The following FRAS1 variants were observed in gnomAD, a reference collection of about 807,000 sequenced individuals.
The protein encoded by FRAS1 is Fraser extracellular matrix complex subunit 1, also known as extracellular matrix organizing protein FRAS1.
FRAS1 carries 290 observed loss-of-function variants against 435.2 expected under a neutral mutation model. That is an observed-to-expected ratio of 0.67 (90% confidence interval 0.61 to 0.73). The LOEUF is 0.73. FRAS1 is among the 30% of genes least tolerant of loss of function. The pLI, the probability that FRAS1 is intolerant of heterozygous loss-of-function variation, is 0.00. For synonymous variants in FRAS1, 1,800 were observed against 1,851.0 expected (o/e 0.97, Z 0.71); for missense variants, 4,860 against 5,001.5 (o/e 0.97, Z 0.85).
At position 78,446,895 on chromosome 4, in the gene FRAS1, G is replaced by A; in HGVS notation, c.6010+15G>A. On this transcript the variant is annotated intron_variant, in intron 43 of 73. Transcript: ENST00000512123. ...GCCTGACCACGGTAGGGCACGAACTGCTATGAAAAGCTTCTTAATTGAGAT... is the reference window on the plus strand; with the variant it reads ...GCCTGACCACGGTAGGGCACGAACTACTATGAAAAGCTTCTTAATTGAGAT... 6.3e-7 allele frequency: 1 copy of A among 1,591,390 alleles called. No homozygotes were observed.
At chr4:78,073,979 T>C (rs1740494170) in intron 2 of FRAS1, among the ~76,000 whole-genome samples, 2 of 152,184 alleles carry the variant, frequency 1.3e-5, no homozygotes, top group Non-Finnish European at 2.9e-5. Flanking sequence ...TCCCAGAGTT[T>C]ATAAGCTAAA....
At chr4:78,116,814 C>T (rs982938258) in intron 2 of FRAS1, among the ~76,000 whole-genome samples, 2 of 152,112 alleles carry the variant, frequency 1.3e-5, no homozygotes, top group Admixed American at 6.5e-5. Context: ...TTAATTGGAG[C>T]ACTTAGCCCA....
At chr4:78,118,519 T>G (rs2867006) in intron 2 of FRAS1, among the ~76,000 whole-genome samples, 33,008 of 152,116 alleles carry the variant, frequency 0.22, 3,947 homozygotes, top group Admixed American at 0.29. Flanking sequence ...TTGGCAATGG[T>G]GGGCACCCCT....
At chr4:78,112,069 C>A (rs1304242988) in intron 2 of FRAS1, among the ~76,000 whole-genome samples, 1 of 152,106 alleles carries the variant, frequency 6.6e-6, no homozygotes, top group African/African-American at 2.4e-5. Flanking sequence ...TTGATAATCT[C>A]CTTCACCTTA....
chr4:78,085,673 A>G (rs1416867067), intron 2 of FRAS1, among the ~76,000 whole-genome samples: 3 of 152,178 alleles, frequency 2.0e-5, no homozygotes, highest in African/African-American at 7.2e-5. Context: ...GTTAAGAGAC[A>G]AAGAAGGCCA....
chr4:78,200,818 G>A (rs1723015552), intron 2 of FRAS1, among the ~76,000 whole-genome samples: 1 of 145,798 alleles, frequency 6.9e-6, no homozygotes, highest in African/African-American at 2.7e-5. Context: ...AGATGCCTCT[G>A]CTTATGGAGA....
At chr4:78,096,781 C>T (rs1741833394) in intron 2 of FRAS1, among the ~76,000 whole-genome samples, 1 of 152,224 alleles carries the variant, frequency 6.6e-6, no homozygotes, top group Non-Finnish European at 1.5e-5. Flanking sequence ...ACTTTTTCCT[C>T]CTAGGCCTCT....
chr4:78,407,324 A>T (rs932406865), intron 30 of FRAS1, among the ~76,000 whole-genome samples: 1 of 152,224 alleles, frequency 6.6e-6, no homozygotes, highest in African/African-American at 2.4e-5. Context: ...AAATGAATCC[A>T]TTCAATGCCC....
At chr4:78,531,776 C>G (rs1024459837) in intron 70 of FRAS1, among the ~76,000 whole-genome samples, 1 of 152,126 alleles carries the variant, frequency 6.6e-6, no homozygotes, top group Admixed American at 6.5e-5. Flanking sequence ...CCCCATATGG[C>G]CCACAAAGTT....
At chr4:78,093,254 G>A (rs562653657) in intron 2 of FRAS1, among the ~76,000 whole-genome samples, 3 of 152,326 alleles carry the variant, frequency 2.0e-5, no homozygotes, top group African/African-American at 4.8e-5. Flanking sequence ...AACACTGCAA[G>A]TACCAGCTTA....
intron 6 of FRAS1, among the ~76,000 whole-genome samples, chr4:78,261,124 T>C (rs1726079045): frequency 6.6e-6 from 1 of 152,096 alleles, no homozygotes; most frequent in African/African-American, 2.4e-5. Flanking sequence ...GGCGAGATTT[T>C]CTTAAGTTTA....
At chr4:78,095,875 C>T (rs4543141) in intron 2 of FRAS1, among the ~76,000 whole-genome samples, 69,545 of 152,030 alleles carry the variant, frequency 0.46, 19,414 homozygotes, top group Non-Finnish European at 0.61. Flanking sequence ...CATTCCACCC[C>T]GGCCCCTCCC....
At chr4:78,411,682 T>C (rs1008471332) in intron 31 of FRAS1, among the ~76,000 whole-genome samples, 1 of 152,162 alleles carries the variant, frequency 6.6e-6, no homozygotes, top group Admixed American at 6.5e-5. Flanking sequence ...ATCAGTGTCT[T>C]TACTAGATTG....
At position 78,286,531 on chromosome 4, in the gene FRAS1, C is replaced by T. The variant is rs887056108; in HGVS notation, c.1526C>T (p.Ser509Phe). The change falls in exon 14 of 74, where the codon TCC becomes TTC. Residue 509 changes from serine (S) to phenylalanine (F), a missense_variant. Physicochemically the swap from Ser to Phe is radical, Grantham distance 155. Coordinates refer to ENST00000512123, the MANE Select transcript of FRAS1 (RefSeq NM_025074.7). Reference sequence around the variant, plus strand: ...GACGGCTTCTACCAAGATCGCCATTCCTGTGCAGGTAATCTCTGGCTGGGC... The same window carrying T: ...GACGGCTTCTACCAAGATCGCCATTTCTGTGCAGGTAATCTCTGGCTGGGC... ...CGDGFYQDRH[S>F]CAVCHESCAG... 1.9e-6 allele frequency: 3 copies of T among 1,612,252 alleles called. No individual in the cohort carries two copies. The highest frequency in any genetic ancestry group is 2.7e-5 in the African/African-American group (2 of 74,900).
chr4:78,214,438 A>T (rs1409915181), intron 2 of FRAS1, among the ~76,000 whole-genome samples: 1 of 152,222 alleles, frequency 6.6e-6, no homozygotes, highest in Admixed American at 6.5e-5. Context: ...ACCTCATGTA[A>T]CCTTCATCTG....
chr4:78,310,287 C>A (rs1327003585), intron 15 of FRAS1, among the ~76,000 whole-genome samples: 1 of 152,202 alleles, frequency 6.6e-6, no homozygotes, highest in Non-Finnish European at 1.5e-5. Flanking sequence ...CCCTTTAAGT[C>A]CCCTGGGATG....
chr4:78,504,616 T>C (rs543326767), intron 61 of FRAS1, among the ~76,000 whole-genome samples: 4 of 152,330 alleles, frequency 2.6e-5, no homozygotes, highest in African/African-American at 9.6e-5. Context: ...CATACGTGTG[T>C]CTCTGCATGT....
chr4:78,128,249 A>G (rs890725227), intron 2 of FRAS1, among the ~76,000 whole-genome samples: 12 of 152,210 alleles, frequency 7.9e-5, no homozygotes, highest in East Asian at 1.9e-4. Flanking sequence ...ATGATTTATA[A>G]TCCTTTGGGT....
chr4:78,513,421 A>T lies in FRAS1; in HGVS notation c.10043A>T (p.Gln3348Leu). The T allele has an allele frequency of 6.2e-7, 1 of 1,613,960 alleles. No individual in the cohort carries two copies. The highest frequency in any genetic ancestry group is 8.5e-7 in the Non-Finnish European group (1 of 1,179,860). Residue 3348 changes from glutamine to leucine, a missense_variant, in exon 65 of 74, where the codon CAG becomes CTG. By Grantham distance (113) the Gln-to-Leu change is moderately radical. Transcript: ENST00000512123. ...RIHISVQIPH[Q>L]DGMLPLISTM... ...CACATTTCGGTGCAGATCCCACACC[A>T]GGATGGAATGCTGCCCCTTATCTCC...
Sources: allele counts gnomAD v4.1 joint callset (sites outside exome capture counted in the v4.1 genomes callset), GRCh38; gene constraint gnomAD v4.1.1; transcripts MANE v1.5; gene names NCBI Gene and HGNC (gene_info 2026-07-23, HGNC 2026-07-21).